Variants in LINGO2 observed in about 807,000 individuals in gnomAD.
LINGO2 encodes leucine rich repeat and Ig domain containing 2.
LINGO2 carries 14 observed loss-of-function variants against 30.6 expected under a neutral mutation model. That is an observed-to-expected ratio of 0.46 (90% confidence interval 0.30 to 0.72). The LOEUF (loss-of-function observed/expected upper bound fraction) is 0.72. LINGO2 is among the 30% of genes least tolerant of loss of function. LINGO2 has a pLI of 0.07. For missense variants in LINGO2, 729 were observed against 751.7 expected, an observed-to-expected ratio of 0.97 and a Z score of 0.35; for synonymous variants, 317 against 288.5, an observed-to-expected ratio of 1.10 and a Z score of -1.00.
rs553025743 is a variant in LINGO2, at chr9:28,363,454, T to A, written c.-246+9382A>T. 1.7e-3 allele frequency among the ~76,000 whole-genome samples: 260 copies of A among 152,314 alleles called. 2 individuals carry two copies. Among genetic ancestry groups the A allele is most frequent in the Non-Finnish European group, 2.0e-3 (139 of 68,012 alleles). ...TTTGAGCCAATCCAGGAAATATCTC[T>A]AACTTATCTTTGGCCCCTGATAATA... is the stretch of plus-strand genomic sequence containing the variant. On this transcript the variant is annotated intron_variant, in intron 3 of 5. Transcript: ENST00000379992.
chr9:28,081,341 T>C (rs749974232), intron 4 of LINGO2, among the ~76,000 whole-genome samples: 5 of 150,828 alleles, frequency 3.3e-5, no homozygotes, highest in South Asian at 2.1e-4. Flanking sequence ...ATCTATCTAA[T>C]AGACAAAATT....
At chr9:27,940,395 G>A in the LINGO2 span, 1 of 152,128 alleles carries the variant, frequency 6.6e-6, no homozygotes, top group African/African-American at 2.4e-5. Context: ...AGGCACCAGT[G>A]TGACAAGCCC....
chr9:28,345,093 GA>G (rs897921009), intron 3 of LINGO2, among the ~76,000 whole-genome samples: 67 of 141,968 alleles, frequency 4.7e-4, no homozygotes, highest in African/African-American at 1.0e-3. Context: ...GACGTGTTAA[GA>G]AAAAAAAAAA....
the LINGO2 span, among the ~76,000 whole-genome samples, chr9:28,915,110 G>A: frequency 1.3e-5 from 2 of 152,084 alleles, no homozygotes; most frequent in Non-Finnish European, 2.9e-5. Flanking sequence ...CCAGGCTGGC[G>A]ACAGAGCGAG....
chr9:28,008,112 A>C (rs558306605), intron 5 of LINGO2, among the ~76,000 whole-genome samples: 4 of 152,164 alleles, frequency 2.6e-5, no homozygotes, highest in Non-Finnish European at 5.9e-5. Flanking sequence ...AATCTCCTTC[A>C]CTCTCAGGAG....
At position 28,398,942 on chromosome 9, in the gene LINGO2, T is replaced by C. The variant is rs1461325961; in HGVS notation, c.-278-26074A>G. 3.9e-5 allele frequency among the ~76,000 whole-genome samples: 6 copies of C among 152,242 alleles called. No homozygotes were observed. The East Asian group carries it at 1.2e-3, about 29-fold the overall frequency. The stretch of plus-strand genomic sequence containing the variant: ...CAAGGAGACTCTCATTCCATCTCAG[T>C]TCAATCACAGTCAAAAACTCCATGT... On this transcript the variant is annotated intron_variant, in intron 2 of 5. Coordinates refer to ENST00000379992, the Ensembl canonical transcript of LINGO2.
At chr9:28,496,168 T>G (rs1819617597) in intron 1 of LINGO2, among the ~76,000 whole-genome samples, 1 of 152,126 alleles carries the variant, frequency 6.6e-6, no homozygotes, top group African/African-American at 2.4e-5. Context: ...TGTAGATGTC[T>G]ATTAGGTCTG....
chr9:28,945,803 C>A, the LINGO2 span, among the ~76,000 whole-genome samples: 3 of 152,110 alleles, frequency 2.0e-5, no homozygotes, highest in African/African-American at 7.2e-5. Context: ...CATTGTCATA[C>A]AGGTTATATG....
At chr9:28,203,385 G>C (rs758392332) in intron 4 of LINGO2, among the ~76,000 whole-genome samples, 5 of 152,146 alleles carry the variant, frequency 3.3e-5, no homozygotes, top group Admixed American at 3.3e-4. Flanking sequence ...ACTGAAGTAT[G>C]ACAGTAATAG....
intron 4 of LINGO2, among the ~76,000 whole-genome samples, chr9:28,217,518 A>T (rs545609828): frequency 2.0e-5 from 3 of 152,066 alleles, no homozygotes; most frequent in African/African-American, 7.2e-5. Context: ...AGTTTTCTCT[A>T]TAAGAGCAAA....
intron 4 of LINGO2, among the ~76,000 whole-genome samples, chr9:28,064,576 A>G (rs751271170): frequency 7.9e-5 from 12 of 152,114 alleles, no homozygotes; most frequent in Non-Finnish European, 1.6e-4. Context: ...TCTGTTAGTA[A>G]TATCTGGGGC....
At chr9:29,189,013 C>A in the LINGO2 span, among the ~76,000 whole-genome samples, 13 of 138,530 alleles carry the variant, frequency 9.4e-5, no homozygotes, top group East Asian at 2.8e-3. Context: ...GGGGGGCTGA[C>A]CCCCCCACCT....
chr9:28,127,905 C>T (rs1827283731), intron 4 of LINGO2, among the ~76,000 whole-genome samples: 2 of 152,154 alleles, frequency 1.3e-5, no homozygotes, highest in African/African-American at 4.8e-5. Flanking sequence ...CTTACTTTAT[C>T]TCTTGTCTCT....
At chr9:27,950,780 G>C in intron 5 of LINGO2, 74 bp from the exon 7 acceptor site, 1 of 767,362 alleles carries the variant, frequency 1.3e-6, no homozygotes, top group Non-Finnish European at 1.9e-6. Flanking sequence ...GGCATAAATA[G>C]GGCAGCAAGT....
chr9:28,264,770 G>A (rs1477815556), intron 4 of LINGO2, among the ~76,000 whole-genome samples: 1 of 151,938 alleles, frequency 6.6e-6, no homozygotes, highest in African/African-American at 2.4e-5. Context: ...AGTTTCATGT[G>A]TCAAATTGGC....
intron 1 of LINGO2, among the ~76,000 whole-genome samples, chr9:28,643,740 A>C (rs1368628011): frequency 1.3e-5 from 2 of 152,098 alleles, no homozygotes; most frequent in East Asian, 3.9e-4. Context: ...CAATGCAGTA[A>C]AGAGACAACC....
intron 2 of LINGO2, among the ~76,000 whole-genome samples, chr9:28,403,843 C>G (rs1331906): frequency 0.99 from 151,318 of 152,212 alleles, 75,222 homozygotes; most frequent in Middle Eastern, 1. Flanking sequence ...GAAACACTTG[C>G]TACAGTTATT....
chr9:28,388,856 CTG>C (rs1413569502), intron 2 of LINGO2, among the ~76,000 whole-genome samples: 1 of 152,128 alleles, frequency 6.6e-6, no homozygotes, highest in Non-Finnish European at 1.5e-5. Context: ...ACTTCACCAA[CTG>C]TAAATATTTG....
chr9:28,138,848 C>G (rs926438019), intron 4 of LINGO2, among the ~76,000 whole-genome samples: 1 of 152,090 alleles, frequency 6.6e-6, no homozygotes, highest in Non-Finnish European at 1.5e-5. Context: ...AAGACCTTCC[C>G]CTACACAGAT....
Sources: allele counts gnomAD v4.1 joint callset (sites outside exome capture counted in the v4.1 genomes callset), GRCh38; gene constraint gnomAD v4.1.1; transcripts MANE v1.5; gene names NCBI Gene and HGNC (gene_info 2026-07-23, HGNC 2026-07-21).